The following CADPS2 variants were observed in gnomAD, a reference collection of about 807,000 sequenced individuals.
The protein encoded by CADPS2 is calcium dependent secretion activator 2, also known as calcium-dependent secretion activator 2.
CADPS2 carries 93 observed loss-of-function variants against 172.5 expected under a neutral mutation model. That is an observed-to-expected ratio of 0.54 (90% CI 0.46 to 0.64). CADPS2 has a LOEUF of 0.64. Among genes scored for constraint, CADPS2 ranks in the 30% least tolerant of loss-of-function variants. The probability of loss-of-function intolerance (pLI) is 0.00; values close to 1 mark genes in which losing one functional copy is unlikely to be tolerated. For synonymous variants in CADPS2, 546 were observed against 555.2 expected (o/e 0.98, Z 0.23); for missense variants, 1,420 against 1,565.9 (o/e 0.91, Z 1.57).
chr7:122,396,376 G>A (rs1382998874), intron 20 of CADPS2, among the ~76,000 whole-genome samples: 6 of 152,072 alleles, frequency 3.9e-5, no homozygotes, highest in Non-Finnish European at 8.8e-5. Context: ...CTCCTGTCTT[G>A]ATTAATGCAA....
At chr7:122,706,489 G>A (rs2087523552) in intron 2 of CADPS2, among the ~76,000 whole-genome samples, 1 of 145,020 alleles carries the variant, frequency 6.9e-6, no homozygotes, top group African/African-American at 2.5e-5. Flanking sequence ...TCCTTTTGTA[G>A]GCAGGCTAAA....
chr7:122,739,861 T>C (rs966268075), intron 1 of CADPS2, among the ~76,000 whole-genome samples: 2 of 152,036 alleles, frequency 1.3e-5, no homozygotes, highest in African/African-American at 4.8e-5. Context: ...GATAGACCAG[T>C]GGAACAGATC....
At chr7:122,333,889 TTA>T (rs138677404) in intron 28 of CADPS2, among the ~76,000 whole-genome samples, 19,616 of 149,070 alleles carry the variant, frequency 0.13, 1,361 homozygotes, top group Non-Finnish European at 0.15. Flanking sequence ...AAATATAAAT[TTA>T]TATATATATA....
chr7:122,345,228 C>A (rs568486222), intron 28 of CADPS2, among the ~76,000 whole-genome samples: 2 of 152,154 alleles, frequency 1.3e-5, no homozygotes, highest in Non-Finnish European at 2.9e-5. Context: ...CCGGCTCAAG[C>A]GATTCTTGTG....
At chr7:122,415,280 C>T (rs2047746877) in intron 18 of CADPS2, among the ~76,000 whole-genome samples, 1 of 152,094 alleles carries the variant, frequency 6.6e-6, no homozygotes, top group Non-Finnish European at 1.5e-5. Flanking sequence ...CACAAATTTT[C>T]CCCTTCCACG....
chr7:122,480,139 A>AC, intron 12 of CADPS2: 1 of 470,660 alleles, frequency 2.1e-6, no homozygotes, highest in Non-Finnish European at 4.4e-6. Context: ...CCTCTTCCCC[A>AC]CCCCTTCAGC....
intron 28 of CADPS2, among the ~76,000 whole-genome samples, chr7:122,339,286 T>C (rs1411083078): frequency 6.6e-6 from 1 of 152,214 alleles, no homozygotes; most frequent in African/African-American, 2.4e-5. Context: ...TTATCCATGT[T>C]TTGTTGATTT....
chr7:122,564,846 T>C (rs1354877925), intron 7 of CADPS2, among the ~76,000 whole-genome samples: 3 of 75,214 alleles, frequency 4.0e-5, no homozygotes, highest in South Asian at 4.7e-4. Context: ...TACACACACA[T>C]GCACACACAC....
rs146373335 is a variant in CADPS2, at chr7:122,864,317, C to T, written c.339+21682G>A. 5.9e-3 allele frequency among the ~76,000 whole-genome samples: 896 copies of T among 151,610 alleles called. 8 individuals carry two copies. Among genetic ancestry groups the T allele is most frequent in the African/African-American group, 0.021 (859 of 41,362 alleles). On this transcript the variant is annotated intron_variant, in intron 1 of 29. Transcript: ENST00000449022. ...TGTTATCTGTCATACACCAAAAATA[C>T]AAAAAAAATAAAATTAGCCAGGGGT...
chr7:122,849,488 T>G (rs1812931606), intron 1 of CADPS2, among the ~76,000 whole-genome samples: 1 of 152,186 alleles, frequency 6.6e-6, no homozygotes. Context: ...GTCACAAAGT[T>G]CATAAACTAT....
chr7:122,853,673 T>C (rs112866749), intron 1 of CADPS2, among the ~76,000 whole-genome samples: 3,420 of 152,306 alleles, frequency 0.022, 76 homozygotes, highest in Non-Finnish European at 0.029. Context: ...TGAATGTACA[T>C]GTATGTAACT....
At chr7:122,747,017 C>T (rs1025018326) in intron 1 of CADPS2, among the ~76,000 whole-genome samples, 1 of 152,154 alleles carries the variant, frequency 6.6e-6, no homozygotes, top group African/African-American at 2.4e-5. Context: ...ATAATAGCCT[C>T]TAATGGTCCC....
chr7:122,378,540 G>T (rs1260594513), intron 25 of CADPS2, among the ~76,000 whole-genome samples: 1 of 152,010 alleles, frequency 6.6e-6, no homozygotes, highest in Middle Eastern at 3.2e-3. Flanking sequence ...TTCTAAACAG[G>T]ATGTCTTTTG....
Position 122,637,636 on chromosome 7 carries a change from C to T in CADPS2, c.787-8308G>A, listed in dbSNP as rs140488749. 2.2e-3 allele frequency among the ~76,000 whole-genome samples: 333 copies of T among 152,216 alleles called. 1 individual carries two copies. The highest frequency in any genetic ancestry group is 3.5e-3 in the Non-Finnish European group (241 of 68,020). On this transcript the variant is annotated intron_variant, in intron 3 of 29. Transcript: ENST00000449022. ...GGATCTTGATGAGCTTTGTTGCTACCCAGATTCTGAATTCTCTGTCTGTCC... is the reference window on the plus strand; with the variant it reads ...GGATCTTGATGAGCTTTGTTGCTACTCAGATTCTGAATTCTCTGTCTGTCC...
intron 1 of CADPS2, among the ~76,000 whole-genome samples, chr7:122,750,120 G>A (rs1400914551): frequency 2.0e-5 from 3 of 152,110 alleles, no homozygotes; most frequent in African/African-American, 7.2e-5. Flanking sequence ...AATAAAGCCT[G>A]CTTCTGGGGC....
chr7:122,429,688 T>C (rs1458154175), intron 17 of CADPS2, among the ~76,000 whole-genome samples: 14 of 152,138 alleles, frequency 9.2e-5, no homozygotes, highest in Non-Finnish European at 1.3e-4. Context: ...TCGGTGCCTA[T>C]GGGAACATGA....
chr7:122,648,605 T>C (rs2078807889), intron 3 of CADPS2, among the ~76,000 whole-genome samples: 1 of 152,124 alleles, frequency 6.6e-6, no homozygotes, highest in Non-Finnish European at 1.5e-5. Context: ...CATCATACTA[T>C]GCTTAATATA....
At chr7:122,558,048 A>G (rs879787832) in intron 7 of CADPS2, among the ~76,000 whole-genome samples, 2 of 152,244 alleles carry the variant, frequency 1.3e-5, no homozygotes, top group African/African-American at 2.4e-5. Context: ...CACTTCTATC[A>G]GGAATACCTG....
At chr7:122,467,411 T>C (rs545826392) in intron 14 of CADPS2, among the ~76,000 whole-genome samples, 20 of 152,292 alleles carry the variant, frequency 1.3e-4, no homozygotes, top group Admixed American at 1.3e-3. Context: ...ATTTCTGAAG[T>C]GACAGTCAAG....
Sources: gnomAD v4.1 joint callset for allele counts (sites outside exome capture counted in the v4.1 genomes callset) on GRCh38, gnomAD v4.1.1 for gene constraint, MANE v1.5 for transcripts, NCBI Gene and HGNC (gene_info 2026-07-23, HGNC 2026-07-21) for gene names.